CLASP2: variants seen among roughly 807,000 people sequenced by gnomAD.
CLASP2 encodes the protein CLIP-associating protein 2.
Under a neutral mutation model 194.4 loss-of-function variants are expected in CLASP2, and 47 were observed. That is an observed-to-expected ratio of 0.24 (90% CI 0.19 to 0.31). CLASP2 has a LOEUF of 0.31. Ranked by LOEUF, CLASP2 falls within the 10% of genes least tolerant of loss-of-function variation. The pLI, the probability that CLASP2 is intolerant of heterozygous loss-of-function variation, is 1.00. For missense variants in CLASP2, 1,445 were observed against 1,823.6 expected, an observed-to-expected ratio of 0.79 and a Z score of 3.78; for synonymous variants, 619 against 633.5, an observed-to-expected ratio of 0.98 and a Z score of 0.34.
At chr3:33,539,000 C>G in intron 32 of CLASP2, 58 bp from the exon 33 acceptor site, 2 of 1,208,466 alleles carry the variant, frequency 1.7e-6, no homozygotes, top group South Asian at 1.8e-5. Context: ...ACAAACACAT[C>G]TGAGGAGATT....
At chr3:33,607,942 T>A (rs1423531137) in intron 14 of CLASP2, among the ~76,000 whole-genome samples, 1 of 152,334 alleles carries the variant, frequency 6.6e-6, no homozygotes, top group South Asian at 2.1e-4. Flanking sequence ...TTTTTAAAAA[T>A]GAGCTTTAAG....
At chr3:33,666,390 A>C (rs1159857029) in intron 6 of CLASP2, among the ~76,000 whole-genome samples, 1 of 152,154 alleles carries the variant, frequency 6.6e-6, no homozygotes, top group Non-Finnish European at 1.5e-5. Flanking sequence ...GGCAAACACT[A>C]ATCTACTTCC....
At chr3:33,603,214 G>C in intron 17 of CLASP2, 89 bp from the exon 18 acceptor site, 2 of 1,344,570 alleles carry the variant, frequency 1.5e-6, no homozygotes, top group African/African-American at 3.0e-5. Flanking sequence ...GAGCTAATCT[G>C]ATGACAAATG....
chr3:33,650,492 T>C (rs902139577), intron 7 of CLASP2, among the ~76,000 whole-genome samples: 6 of 152,128 alleles, frequency 3.9e-5, no homozygotes, highest in Admixed American at 2.0e-4. Context: ...TATTGAAGGA[T>C]AGAAATTATT....
chr3:33,624,497 T>C (rs2077656249), intron 10 of CLASP2, among the ~76,000 whole-genome samples: 1 of 151,876 alleles, frequency 6.6e-6, no homozygotes, highest in Admixed American at 6.6e-5. Context: ...AAAAGACAAA[T>C]ATAGTAGTTT....
intron 6 of CLASP2, among the ~76,000 whole-genome samples, chr3:33,670,749 A>G (rs2154337630): frequency 6.6e-6 from 1 of 152,290 alleles, no homozygotes; most frequent in African/African-American, 2.4e-5. Context: ...ACAACTCTTG[A>G]GAGTTAAAAA....
intron 27 of CLASP2, among the ~76,000 whole-genome samples, chr3:33,562,157 C>T (rs987409576): frequency 1.4e-4 from 21 of 152,080 alleles, no homozygotes; most frequent in Admixed American, 1.1e-3. Flanking sequence ...ACGCTGTATA[C>T]CTGTAACAGC....
intron 10 of CLASP2, among the ~76,000 whole-genome samples, chr3:33,624,261 T>C (rs888384950): frequency 6.6e-6 from 1 of 151,806 alleles, no homozygotes; most frequent in Non-Finnish European, 1.5e-5. Context: ...TTAAATCAGA[T>C]GCATAAAGAT....
At chr3:33,659,921 T>C (rs56239139) in intron 7 of CLASP2, among the ~76,000 whole-genome samples, 40,275 of 152,182 alleles carry the variant, frequency 0.26, 5,868 homozygotes, top group Admixed American at 0.38. Context: ...TATTGACTCA[T>C]AGAAGCCAAA....
intron 1 of CLASP2, among the ~76,000 whole-genome samples, chr3:33,713,326 T>C (rs2093127950): frequency 6.6e-6 from 1 of 152,136 alleles, no homozygotes; most frequent in Admixed American, 6.5e-5. Flanking sequence ...TCTGACAGGA[T>C]TGAGAATCAC....
Position 33,533,783 on chromosome 3 carries a change from C to T in CLASP2, c.3787+1450G>A, listed in dbSNP as rs550256672. On this transcript the variant is annotated intron_variant, in intron 34 of 38. Coordinates refer to ENST00000682230, the MANE Select transcript of CLASP2 (RefSeq NM_001365631.1). ...AGGTTGGAGTGCAGTGGTGCAATCT[C>T]GGTTCACTGAAACCTCCACCTCCCA... Among the ~76,000 whole-genome samples the T allele has an allele frequency of 5.3e-5, 8 of 152,224 alleles. No individual in the cohort carries two copies. In the East Asian group the frequency reaches 1.2e-3, roughly 22 times the overall value.
At chr3:33,634,328 G>T (rs980492884) in intron 8 of CLASP2, among the ~76,000 whole-genome samples, 3 of 152,164 alleles carry the variant, frequency 2.0e-5, no homozygotes, top group African/African-American at 7.2e-5. Flanking sequence ...ATTTAAAATG[G>T]TATGATGGTA....
intron 12 of CLASP2, among the ~76,000 whole-genome samples, chr3:33,612,501 A>T (rs2075369885): frequency 1.3e-5 from 2 of 152,182 alleles, no homozygotes; most frequent in Non-Finnish European, 2.9e-5. Context: ...TGCACTTTGA[A>T]ATGGTGGTCT....
rs114432191 is a variant in CLASP2 at position 33,589,041 on chromosome 3, T to G, written c.2068+3354A>C. Among the ~76,000 whole-genome samples, 1,287 of 152,056 alleles carry G rather than the reference T, an allele frequency of 8.5e-3. 21 individuals are homozygous for G. The highest frequency in any genetic ancestry group is 0.028 in the African/African-American group (1,164 of 41,494). The stretch of plus-strand genomic sequence containing the variant: ...CTTTTCTACTACTGACAGTCGAAAA[T>G]CAAAATCATTAAATGTTTTCATTAA... On this transcript the variant is annotated intron_variant, in intron 21 of 38. Coordinates refer to ENST00000682230, the MANE Select transcript of CLASP2 (RefSeq NM_001365631.1).
At chr3:33,584,567 T>C (rs2066923350) in intron 22 of CLASP2, among the ~76,000 whole-genome samples, 183 bp downstream of exon 22, 1 of 151,890 alleles carries the variant, frequency 6.6e-6, no homozygotes, top group Non-Finnish European at 1.5e-5. Context: ...TGCCAGGCCC[T>C]GAATTACACA....
chr3:33,580,970 C>A (rs1199899003), intron 23 of CLASP2, among the ~76,000 whole-genome samples: 9 of 131,836 alleles, frequency 6.8e-5, no homozygotes, highest in African/African-American at 2.6e-4. Flanking sequence ...GAGCCGAGAT[C>A]GTGCCACTGC....
intron 5 of CLASP2, 86 bp downstream of exon 5, chr3:33,686,971 CTCT>C (rs1160398939): frequency 1.4e-6 from 1 of 719,128 alleles, no homozygotes; most frequent in Non-Finnish European, 2.2e-6. Context: ...TCCACCCTCT[CTCT>C]TCTTTTTTAA....
intron 12 of CLASP2, among the ~76,000 whole-genome samples, chr3:33,618,685 TA>T: frequency 6.6e-6 from 1 of 151,966 alleles, no homozygotes; most frequent in Non-Finnish European, 1.5e-5. Context: ...AAAAGGAAGT[TA>T]AAGAATATAC....
intron 6 of CLASP2, among the ~76,000 whole-genome samples, chr3:33,670,732 A>G (rs2087003595): frequency 6.6e-6 from 1 of 152,208 alleles, no homozygotes; most frequent in African/African-American, 2.4e-5. Flanking sequence ...GTGGAGGATC[A>G]GAGTGGACAA....
Sources: allele counts gnomAD v4.1 joint callset (sites outside exome capture counted in the v4.1 genomes callset), GRCh38; gene constraint gnomAD v4.1.1; transcripts MANE v1.5; gene names NCBI Gene and HGNC (gene_info 2026-07-23, HGNC 2026-07-21).